The following DOCK8 variants were observed in gnomAD, a reference collection of about 807,000 sequenced individuals.
DOCK8 encodes the protein dedicator of cytokinesis 8, also known as dedicator of cytokinesis protein 8.
Under a neutral mutation model 245.6 loss-of-function variants are expected in DOCK8, and 141 were observed. That is an observed-to-expected ratio of 0.57 (90% CI 0.50 to 0.66). The LOEUF is 0.66. Ranked by LOEUF, DOCK8 falls within the 30% of genes least tolerant of loss-of-function variation. The probability of loss-of-function intolerance (pLI) is 0.00; values close to 1 mark genes in which losing one functional copy is unlikely to be tolerated. For missense variants in DOCK8, 2,965 were observed against 2,603.4 expected (o/e 1.14, Z -3.02); for synonymous variants, 1,168 against 970.2 (o/e 1.20, Z -3.79).
Position 404,144 on chromosome 9 carries a change from G to A in DOCK8, c.3235-774G>A, listed in dbSNP as rs143675159. 1.1e-3 allele frequency among the ~76,000 whole-genome samples: 174 copies of A among 151,682 alleles called. 3 individuals are homozygous for A. In the East Asian group the frequency reaches 0.027, roughly 24 times the overall value. ...ATTGAGGAGCTCAAGGTGCATCAGC[G>A]CCCCTTCCTTCCCCTATTTTGCCTT... On this transcript the variant is annotated intron_variant, in intron 26 of 47. Transcript: ENST00000432829.
intron 14 of DOCK8, among the ~76,000 whole-genome samples, chr9:359,821 A>G (rs2052634380): frequency 6.8e-6 from 1 of 146,456 alleles, no homozygotes; most frequent in East Asian, 1.9e-4. Context: ...AAAAAAAAAA[A>G]AAATTACAGA....
intron 14 of DOCK8, among the ~76,000 whole-genome samples, chr9:357,272 A>G (rs961901545): frequency 1.3e-5 from 2 of 152,226 alleles, no homozygotes; most frequent in Admixed American, 1.3e-4. Flanking sequence ...TAGCAGCTAT[A>G]TTTAATCAAT....
chr9:439,152 C>G (rs1235683476), intron 39 of DOCK8, 93 bp from the exon 40 acceptor site: 1 of 1,528,188 alleles, frequency 6.5e-7, no homozygotes, highest in Non-Finnish European at 9.0e-7. Flanking sequence ...AGGATCTGCA[C>G]ACCAGCTTCC....
At chr9:368,764 A>G (rs967106040) in intron 15 of DOCK8, 1 of 150,684 alleles carries the variant, frequency 6.6e-6, no homozygotes, top group African/African-American at 2.4e-5. Flanking sequence ...GTGGTTAGCT[A>G]TTACTATTTC....
At position 428,457 on chromosome 9, in the gene DOCK8, G is replaced by T; in HGVS notation, c.4434G>T (p.Leu1478=). Residue 1478 remains leucine (L), a synonymous_variant, in exon 35 of 48, where the codon CTG becomes CTT. Transcript: ENST00000432829. ...SLNCDQSTTY[L]THCFATLRAL... ...ACTGTGATCAGAGTACCACCTACCT[G>T]ACTCACTGCTTTGCAACACTCCGTG... 6.2e-7 allele frequency: 1 copy of T among 1,614,174 alleles called. No homozygotes were observed. Among genetic ancestry groups the T allele is most frequent in the South Asian group, 1.1e-5 (1 of 91,078 alleles).
At chr9:337,140 T>C (rs556433463) in intron 12 of DOCK8, among the ~76,000 whole-genome samples, 94 of 152,264 alleles carry the variant, frequency 6.2e-4, no homozygotes, top group Non-Finnish European at 8.4e-4. Context: ...GTCCTCATGA[T>C]TCAATCACGT....
intron 4 of DOCK8, among the ~76,000 whole-genome samples, 192 bp downstream of exon 4, chr9:289,773 T>C (rs908990359): frequency 2.6e-5 from 4 of 152,184 alleles, no homozygotes; most frequent in Non-Finnish European, 1.5e-5. Flanking sequence ...ACATCTCACT[T>C]TAGTGTGGTA....
chr9:409,995 G>A (rs921157491), intron 28 of DOCK8, among the ~76,000 whole-genome samples: 26 of 152,150 alleles, frequency 1.7e-4, no homozygotes, highest in East Asian at 1.2e-3. Context: ...GAATAGTGCC[G>A]CAATAAAAGG....
chr9:391,764 A>G (rs562231055), intron 24 of DOCK8, among the ~76,000 whole-genome samples: 35 of 149,892 alleles, frequency 2.3e-4, no homozygotes, highest in Non-Finnish European at 4.0e-4. Flanking sequence ...GTTGAGATTT[A>G]GTGATAATGT....
chr9:299,750 G>T (rs974198402), intron 4 of DOCK8, among the ~76,000 whole-genome samples: 12 of 151,876 alleles, frequency 7.9e-5, no homozygotes, highest in Non-Finnish European at 1.6e-4. Flanking sequence ...GGCCGGGCGC[G>T]GTGGCACACA....
chr9:358,615 G>T (rs906579298), intron 14 of DOCK8, among the ~76,000 whole-genome samples: 1 of 149,454 alleles, frequency 6.7e-6, no homozygotes, highest in Admixed American at 6.7e-5. Context: ...TTGGGAGGCC[G>T]AGGTGGGCGG....
chr9:395,213 A>G (rs2054391624), intron 24 of DOCK8, among the ~76,000 whole-genome samples: 1 of 152,132 alleles, frequency 6.6e-6, no homozygotes, highest in African/African-American at 2.4e-5. Context: ...GGATGCCGCC[A>G]TGAGGAGAAA....
At chr9:403,631 A>G (rs2055214334) in intron 26 of DOCK8, among the ~76,000 whole-genome samples, 1 of 152,016 alleles carries the variant, frequency 6.6e-6, no homozygotes, top group Non-Finnish European at 1.5e-5. Context: ...TGGGAGGCCA[A>G]GGCGGGAGGA....
chr9:395,875 G>A (rs1002227014), intron 24 of DOCK8, among the ~76,000 whole-genome samples: 4 of 151,940 alleles, frequency 2.6e-5, no homozygotes, highest in Admixed American at 1.3e-4. Flanking sequence ...ATATAGATAC[G>A]ATATGTATAT....
intron 22 of DOCK8, among the ~76,000 whole-genome samples, chr9:383,459 G>GA (rs2053812868): frequency 6.6e-6 from 1 of 152,176 alleles, no homozygotes; most frequent in Non-Finnish European, 1.5e-5. Context: ...TTCAACCCAG[G>GA]AGGCAGAGGT....
rs1379887032 is a variant in DOCK8 at position 432,390 on chromosome 9, G to T, written c.4785+66G>T. On this transcript the variant is annotated intron_variant, in intron 37 of 47. Coordinates refer to ENST00000432829, the MANE Select transcript of DOCK8 (RefSeq NM_203447.4). ...GATCTGCCAACTATTGTGTATGTAT[G>T]TATGTACATATATACACAATTTATA... 5 of 1,432,794 alleles carry T rather than the reference G, an allele frequency of 3.5e-6. No individual in the cohort carries two copies. The Admixed American group carries it at 8.5e-5, about 24-fold the overall frequency. The allele number at this position is 1,432,794 out of a possible 1,614,324, so 88.8% of individuals were successfully genotyped here.
At chr9:423,216 A>G (rs2056350290) in intron 33 of DOCK8, among the ~76,000 whole-genome samples, 1 of 152,194 alleles carries the variant, frequency 6.6e-6, no homozygotes, top group South Asian at 2.1e-4. Flanking sequence ...AAGAATAAAA[A>G]AACCTGTTTG....
intron 33 of DOCK8, among the ~76,000 whole-genome samples, chr9:426,641 T>A (rs2056512036): frequency 6.6e-6 from 1 of 152,034 alleles, no homozygotes; most frequent in Non-Finnish European, 1.5e-5. Context: ...TTTATAATTG[T>A]CCTCATCATT....
intron 1 of DOCK8, among the ~76,000 whole-genome samples, chr9:248,772 C>T (rs2047575308): frequency 1.3e-5 from 2 of 152,166 alleles, no homozygotes; most frequent in African/African-American, 4.8e-5. Context: ...TGGGTTATTG[C>T]TCATAGATTC....
Sources: allele counts gnomAD v4.1 joint callset (sites outside exome capture counted in the v4.1 genomes callset), GRCh38; gene constraint gnomAD v4.1.1; transcripts MANE v1.5; gene names NCBI Gene and HGNC (gene_info 2026-07-23, HGNC 2026-07-21).